TMEM132C: variants seen among roughly 807,000 people sequenced by gnomAD.
TMEM132C encodes protein phosphatase 1, regulatory subunit 152.
A neutral mutation model predicts 61.4 loss-of-function variants in TMEM132C; 29 were observed. The observed-to-expected ratio is 0.47, with a 90% confidence interval of 0.35 to 0.64. The LOEUF (loss-of-function observed/expected upper bound fraction) is 0.64, where lower values mean the gene tolerates loss of function less well. Among genes scored for constraint, TMEM132C ranks in the 30% least tolerant of loss-of-function variants. TMEM132C has a pLI of 0.00. For synonymous variants in TMEM132C, 656 were observed against 633.1 expected (o/e 1.04, Z -0.54); for missense variants, 1,408 against 1,476.9 (o/e 0.95, Z 0.76).
intron 3 of TMEM132C, among the ~76,000 whole-genome samples, chr12:128,574,163 G>A (rs1875006510): frequency 6.6e-6 from 1 of 152,208 alleles, no homozygotes; most frequent in Non-Finnish European, 1.5e-5. Context: ...TGGCAGATCT[G>A]AGCTGGACAC....
chr12:128,379,046 T>C (rs1298676185), intron 1 of TMEM132C, among the ~76,000 whole-genome samples: 2 of 152,232 alleles, frequency 1.3e-5, no homozygotes, highest in East Asian at 3.9e-4. Context: ...TGTGAGTCCA[T>C]TCAACCTCTT....
chr12:128,605,675 G>A (rs1876397900), intron 3 of TMEM132C, among the ~76,000 whole-genome samples: 1 of 152,156 alleles, frequency 6.6e-6, no homozygotes, highest in Non-Finnish European at 1.5e-5. Context: ...CATCGGCTGA[G>A]GAGAAGGAAG....
intron 1 of TMEM132C, among the ~76,000 whole-genome samples, chr12:128,302,453 T>C (rs1871628362): frequency 6.6e-6 from 1 of 152,228 alleles, no homozygotes; most frequent in Non-Finnish European, 1.5e-5. Flanking sequence ...TTTTCATTCC[T>C]CTCTGAAATG....
At chr12:128,416,966 G>A (rs969626294) in intron 2 of TMEM132C, among the ~76,000 whole-genome samples, 2 of 152,136 alleles carry the variant, frequency 1.3e-5, no homozygotes, top group African/African-American at 4.8e-5. Flanking sequence ...GGTCAGTGAG[G>A]GACATGCTGA....
intron 2 of TMEM132C, among the ~76,000 whole-genome samples, chr12:128,418,898 T>A (rs954535568): frequency 1.3e-5 from 2 of 152,212 alleles, no homozygotes; most frequent in Non-Finnish European, 2.9e-5. Flanking sequence ...TCCTGTATTT[T>A]TTTATTTTAT....
chr12:128,321,568 T>G (rs555555953), intron 1 of TMEM132C, among the ~76,000 whole-genome samples: 18 of 151,642 alleles, frequency 1.2e-4, no homozygotes, highest in Non-Finnish European at 1.9e-4. Flanking sequence ...CCTTACCTGG[T>G]GGGGGTGGAC....
At chr12:128,616,023 C>A in intron 3 of TMEM132C, 129 bp from the exon 4 acceptor site, 1 of 1,131,522 alleles carries the variant, frequency 8.8e-7, no homozygotes, top group Non-Finnish European at 1.2e-6. Context: ...GCCCCAGGAT[C>A]CCCCACCAAA....
At chr12:128,679,422 A>T (rs1382866572) in intron 5 of TMEM132C, among the ~76,000 whole-genome samples, 1 of 152,160 alleles carries the variant, frequency 6.6e-6, no homozygotes, top group Non-Finnish European at 1.5e-5. Flanking sequence ...TCAGTGTGCC[A>T]GTTGTGTGGG....
intron 5 of TMEM132C, among the ~76,000 whole-genome samples, chr12:128,671,653 C>A (rs1160128098): frequency 6.6e-6 from 1 of 152,142 alleles, no homozygotes; most frequent in Admixed American, 6.5e-5. Flanking sequence ...CCAGAACAAG[C>A]AATAGACCAC....
At chr12:128,311,026 AAAAT>A (rs1405857174) in intron 1 of TMEM132C, among the ~76,000 whole-genome samples, 1 of 152,254 alleles carries the variant, frequency 6.6e-6, no homozygotes, top group East Asian at 1.9e-4. Flanking sequence ...ATCAATATAA[AAAAT>A]AAATGAAAAA....
chr12:128,413,149 A>T (rs1023588567), intron 1 of TMEM132C, among the ~76,000 whole-genome samples: 2 of 152,008 alleles, frequency 1.3e-5, no homozygotes, highest in African/African-American at 2.4e-5. Flanking sequence ...ATACAAAAAA[A>T]TTAGCCAGGC....
chr12:128,633,086 T>C (rs1954075962), intron 4 of TMEM132C, among the ~76,000 whole-genome samples: 1 of 152,106 alleles, frequency 6.6e-6, no homozygotes, highest in Admixed American at 6.5e-5. Flanking sequence ...GGGGCTGCAG[T>C]CTCATCTGAA....
intron 2 of TMEM132C, among the ~76,000 whole-genome samples, chr12:128,478,398 G>A (rs917373123): frequency 3.3e-5 from 5 of 152,150 alleles, no homozygotes; most frequent in African/African-American, 9.7e-5. Context: ...TCAGGAGGCC[G>A]TCAAGGCTGA....
chr12:128,659,175 C>G (rs888860994), intron 4 of TMEM132C, among the ~76,000 whole-genome samples: 3 of 152,084 alleles, frequency 2.0e-5, no homozygotes, highest in African/African-American at 7.2e-5. Context: ...TTTTTCTTTT[C>G]TTTCTTTTTT....
chr12:128,402,652 G>A (rs1296546897), intron 1 of TMEM132C, among the ~76,000 whole-genome samples: 1 of 152,218 alleles, frequency 6.6e-6, no homozygotes, highest in East Asian at 1.9e-4. Context: ...AAGCCACATT[G>A]TGGGTGGTCA....
intron 2 of TMEM132C, among the ~76,000 whole-genome samples, chr12:128,504,255 C>G (rs573692567): frequency 6.6e-6 from 1 of 152,296 alleles, no homozygotes; most frequent in Non-Finnish European, 1.5e-5. Context: ...AGAAGTCACA[C>G]AACACACTTG....
At chr12:128,688,145 C>G (rs777492316) in intron 5 of TMEM132C, among the ~76,000 whole-genome samples, 1 of 152,202 alleles carries the variant, frequency 6.6e-6, no homozygotes, top group African/African-American at 2.4e-5. Context: ...TGGACAGTGG[C>G]CTCTCTCAGC....
intron 2 of TMEM132C, among the ~76,000 whole-genome samples, chr12:128,542,916 A>G (rs906805778): frequency 6.7e-5 from 10 of 150,362 alleles, no homozygotes; most frequent in Admixed American, 2.0e-4. Context: ...CCACTGTGCC[A>G]TGAGCCACTG....
intron 3 of TMEM132C, among the ~76,000 whole-genome samples, chr12:128,545,384 T>G (rs12367760): frequency 0.038 from 5,851 of 152,306 alleles, 142 homozygotes; most frequent in Middle Eastern, 0.11. Context: ...GATGTGTTGA[T>G]TCTGTGTCTT....
Sources: gnomAD v4.1 joint callset for allele counts (sites outside exome capture counted in the v4.1 genomes callset) on GRCh38, gnomAD v4.1.1 for gene constraint, MANE v1.5 for transcripts, NCBI Gene and HGNC (gene_info 2026-07-23, HGNC 2026-07-21) for gene names.